Variants in CAMTA1 observed in about 807,000 individuals in gnomAD.
CAMTA1 encodes the protein calmodulin binding transcription activator 1.
A neutral mutation model predicts 170.9 loss-of-function variants in CAMTA1; 27 were observed. That is an observed-to-expected ratio of 0.16 (90% CI 0.12 to 0.22). CAMTA1 has a LOEUF of 0.22. CAMTA1 is among the 10% of genes least tolerant of loss of function. The pLI is 1.00. For missense variants in CAMTA1, 1,619 were observed against 2,217.2 expected, an observed-to-expected ratio of 0.73 and a Z score of 5.42; for synonymous variants, 833 against 891.5, an observed-to-expected ratio of 0.93 and a Z score of 1.17.
intron 11 of CAMTA1, among the ~76,000 whole-genome samples, chr1:7,707,035 C>T (rs182090119): frequency 1.3e-4 from 19 of 151,920 alleles, no homozygotes; most frequent in East Asian, 1.2e-3. Context: ...TACAGGTGCG[C>T]GCCACCATGC....
At chr1:6,835,410 G>C (rs1202740056) in intron 3 of CAMTA1, among the ~76,000 whole-genome samples, 2 of 152,186 alleles carry the variant, frequency 1.3e-5, no homozygotes, top group Non-Finnish European at 2.9e-5. Flanking sequence ...CCGTAAAGGA[G>C]AAGCTGAGCC....
At chr1:7,676,869 G>A (rs570032208) in intron 10 of CAMTA1, among the ~76,000 whole-genome samples, 12 of 152,302 alleles carry the variant, frequency 7.9e-5, no homozygotes, top group Admixed American at 5.2e-4. Flanking sequence ...GGCTGGCTTC[G>A]TCTTACTCAC....
At chr1:7,688,295 A>G (rs549288321) in intron 11 of CAMTA1, among the ~76,000 whole-genome samples, 1 of 152,206 alleles carries the variant, frequency 6.6e-6, no homozygotes, top group South Asian at 2.1e-4. Flanking sequence ...GTGAGCCACC[A>G]TGCCCAGCCG....
chr1:7,020,292 C>T (rs1701157687), intron 3 of CAMTA1, among the ~76,000 whole-genome samples: 1 of 152,178 alleles, frequency 6.6e-6, no homozygotes, highest in Non-Finnish European at 1.5e-5. Context: ...TATATCTTTT[C>T]TATGTTTAGA....
At chr1:7,033,588 C>CTTTTTTTTTTTTTT (rs34282545) in intron 3 of CAMTA1, among the ~76,000 whole-genome samples, 2 of 95,130 alleles carry the variant, frequency 2.1e-5, no homozygotes, top group African/African-American at 4.1e-5. Context: ...TGTAAATATT[C>CTTTTTTTTTTTTTT]TTTTTTTTTT....
rs147619156 is a variant in CAMTA1 at position 7,712,562 on chromosome 1, C to G, written c.2915-19886C>G. ...CTTGAACTCCTGAGCTCAAGCAGTC[C>G]ACCTGCCTCGCCTCCCCAAGTGCTA... On this transcript the variant is annotated intron_variant, in intron 11 of 22. Coordinates refer to ENST00000303635, the MANE Select transcript of CAMTA1 (RefSeq NM_015215.4). Among the ~76,000 whole-genome samples the G allele has an allele frequency of 7.0e-4, 106 of 152,240 alleles. 2 individuals carry two copies. The East Asian group carries it at 0.02, about 29-fold the overall frequency.
intron 5 of CAMTA1, among the ~76,000 whole-genome samples, chr1:7,410,292 A>G (rs2090618958): frequency 6.6e-6 from 1 of 152,160 alleles, no homozygotes; most frequent in Non-Finnish European, 1.5e-5. Context: ...GCCCCCAAAA[A>G]CTGGTGGACA....
chr1:7,388,535 T>A (rs910105179), intron 5 of CAMTA1: 3 of 152,452 alleles, frequency 2.0e-5, no homozygotes, highest in Admixed American at 2.0e-4. Flanking sequence ...CCTGTCTTCC[T>A]GGAAGGAAAT....
chr1:6,952,045 C>T (rs1449573578), intron 3 of CAMTA1, among the ~76,000 whole-genome samples: 3 of 152,170 alleles, frequency 2.0e-5, no homozygotes, highest in Non-Finnish European at 4.4e-5. Flanking sequence ...TGCCAGCCTG[C>T]CGTCTGCATC....
chr1:6,987,582 T>A (rs189448416), intron 3 of CAMTA1, among the ~76,000 whole-genome samples: 5 of 152,368 alleles, frequency 3.3e-5, no homozygotes, highest in Middle Eastern at 3.4e-3. Flanking sequence ...GCAGGTGATC[T>A]GGCCTTTAGG....
chr1:7,020,685 G>A (rs1701214247), intron 3 of CAMTA1, among the ~76,000 whole-genome samples: 1 of 151,250 alleles, frequency 6.6e-6, no homozygotes, highest in South Asian at 2.1e-4. Context: ...GGGGGCAGAG[G>A]GGGCTGCAAA....
chr1:6,870,213 G>A (rs1668000141), intron 3 of CAMTA1, among the ~76,000 whole-genome samples: 1 of 152,024 alleles, frequency 6.6e-6, no homozygotes, highest in South Asian at 2.1e-4. Flanking sequence ...TGTTTTCATG[G>A]GGTGTTGATT....
chr1:6,975,802 C>T (rs968059693), intron 3 of CAMTA1, among the ~76,000 whole-genome samples: 15 of 152,164 alleles, frequency 9.9e-5, no homozygotes, highest in Non-Finnish European at 4.4e-5. Context: ...AGCTATCACC[C>T]CCAAGCCCCC....
chr1:7,708,424 G>T (rs2096543642), intron 11 of CAMTA1, among the ~76,000 whole-genome samples: 1 of 152,196 alleles, frequency 6.6e-6, no homozygotes, highest in Non-Finnish European at 1.5e-5. Flanking sequence ...CTTGAGCCCA[G>T]GAGTTCAAGG....
intron 1 of CAMTA1, among the ~76,000 whole-genome samples, chr1:6,794,384 A>G (rs1641935070): frequency 6.6e-6 from 1 of 152,218 alleles, no homozygotes; most frequent in African/African-American, 2.4e-5. Flanking sequence ...GGTGGCAACA[A>G]TGTGAGATGA....
In CAMTA1 at chr1:7,737,269, C is replaced by T; in HGVS notation, c.3357C>T (p.Ala1119=). The change falls in exon 15 of 23, where the codon GCC becomes GCT. Residue 1119 remains alanine, a synonymous_variant. Coordinates refer to ENST00000303635, the MANE Select transcript of CAMTA1 (RefSeq NM_015215.4). ...FSCTPLMWAC[A]LGHLEAAVVL... ...CTGTCTTCTAGATGTGGGCGTGTGCCCTAGGGCACTTGGAAGCTGCCGTCG... is the reference window on the plus strand; with the variant it reads ...CTGTCTTCTAGATGTGGGCGTGTGCTCTAGGGCACTTGGAAGCTGCCGTCG... The T allele has an allele frequency of 6.2e-7, 1 of 1,613,826 alleles. No individual in the cohort carries two copies. Among genetic ancestry groups the T allele is most frequent in the Non-Finnish European group, 8.5e-7 (1 of 1,179,874 alleles).
intron 3 of CAMTA1, among the ~76,000 whole-genome samples, chr1:7,003,080 A>G (rs543343922): frequency 2.6e-5 from 4 of 152,332 alleles, no homozygotes; most frequent in African/African-American, 4.8e-5. Flanking sequence ...TGTCCTGTGC[A>G]TTGCAGGGTG....
intron 4 of CAMTA1, among the ~76,000 whole-genome samples, chr1:7,153,023 G>A (rs1646665458): frequency 6.6e-6 from 1 of 152,176 alleles, no homozygotes; most frequent in Non-Finnish European, 1.5e-5. Flanking sequence ...AGCAGAAAAC[G>A]CCAGAGCCTC....
intron 4 of CAMTA1, among the ~76,000 whole-genome samples, chr1:7,164,231 A>G: frequency 6.6e-6 from 1 of 152,220 alleles, no homozygotes; most frequent in East Asian, 1.9e-4. Flanking sequence ...TGCAATATTG[A>G]CTAAGAGCCT....
Sources: gnomAD v4.1 joint callset for allele counts (sites outside exome capture counted in the v4.1 genomes callset) on GRCh38, gnomAD v4.1.1 for gene constraint, MANE v1.5 for transcripts, NCBI Gene and HGNC (gene_info 2026-07-23, HGNC 2026-07-21) for gene names.